ACAP2: variants seen among roughly 807,000 people sequenced by gnomAD.
ACAP2 encodes ArfGAP with coiled-coil, ankyrin repeat and PH domains 2.
In ACAP2, 39 loss-of-function variants were observed where a neutral mutation model predicts 115.8. That is an observed-to-expected ratio of 0.34 (90% confidence interval 0.26 to 0.44). The LOEUF (loss-of-function observed/expected upper bound fraction) is 0.44. ACAP2 is among the 20% of genes least tolerant of loss of function. ACAP2 has a pLI of 1.00. For synonymous variants in ACAP2, 289 were observed against 315.8 expected, an observed-to-expected ratio of 0.92 and a Z score of 0.90; for missense variants, 662 against 927.6, an observed-to-expected ratio of 0.71 and a Z score of 3.72.
Position 195,341,728 on chromosome 3 carries a change from A to T in ACAP2, c.528+743T>A, listed in dbSNP as rs1287018169. 3.3e-5 allele frequency among the ~76,000 whole-genome samples: 5 copies of T among 152,294 alleles called. No homozygotes were observed. In the East Asian group the frequency reaches 9.6e-4, roughly 29 times the overall value. Reference sequence around the variant, plus strand: ...ATGGTGAACCTTAGTACCTCTAAGAATCTAATCTAAAGAAATAAGAAGTGT... The same window carrying T: ...ATGGTGAACCTTAGTACCTCTAAGATTCTAATCTAAAGAAATAAGAAGTGT... On this transcript the variant is annotated intron_variant, in intron 6 of 22. Coordinates refer to ENST00000326793, the MANE Select transcript of ACAP2 (RefSeq NM_012287.6).
At chr3:195,397,394 C>T (rs570430215) in intron 1 of ACAP2, among the ~76,000 whole-genome samples, 3 of 152,174 alleles carry the variant, frequency 2.0e-5, no homozygotes, top group Non-Finnish European at 2.9e-5. Flanking sequence ...AAAAGAGTGA[C>T]GAAAAGGTCC....
chr3:195,359,721 C>T (rs1301386963), intron 4 of ACAP2, among the ~76,000 whole-genome samples: 2 of 152,192 alleles, frequency 1.3e-5, no homozygotes, highest in East Asian at 3.9e-4. Flanking sequence ...CCCGCCCCAG[C>T]CTCCCAAAGT....
intron 9 of ACAP2, chr3:195,325,373 A>T: frequency 2.4e-6 from 1 of 420,460 alleles, no homozygotes; most frequent in African/African-American, 2.1e-5. Flanking sequence ...AAATCTACAT[A>T]ACTACAGGAG....
intron 4 of ACAP2, among the ~76,000 whole-genome samples, chr3:195,353,066 T>G: frequency 7.0e-6 from 1 of 142,148 alleles, no homozygotes. Flanking sequence ...GATGACAGAG[T>G]GAGACTCTGT....
chr3:195,414,274 A>G (rs1713533094), intron 1 of ACAP2, among the ~76,000 whole-genome samples: 1 of 152,172 alleles, frequency 6.6e-6, no homozygotes, highest in African/African-American at 2.4e-5. Flanking sequence ...AAAGAAATAC[A>G]TACTTTTTAT....
intron 22 of ACAP2, chr3:195,282,669 C>A (rs146639005): frequency 6.6e-6 from 1 of 152,172 alleles, no homozygotes; most frequent in African/African-American, 2.4e-5. Context: ...GGAATGTTCC[C>A]AGAAATACAT....
intron 17 of ACAP2, chr3:195,295,483 G>GT (rs1344058260): frequency 1.6e-6 from 1 of 610,204 alleles, no homozygotes; most frequent in African/African-American, 1.9e-5. Context: ...ATTTTAAGCA[G>GT]TTTTATTCCT....
At chr3:195,312,636 T>C (rs894823527) in intron 10 of ACAP2, among the ~76,000 whole-genome samples, 3 of 151,948 alleles carry the variant, frequency 2.0e-5, no homozygotes, top group Admixed American at 6.6e-5. Context: ...CCAGCCTTTA[T>C]TTCTCTTTTC....
At chr3:195,357,966 G>A (rs1227720303) in intron 4 of ACAP2, among the ~76,000 whole-genome samples, 1 of 152,146 alleles carries the variant, frequency 6.6e-6, no homozygotes, top group Admixed American at 6.5e-5. Context: ...CTCATGTAAT[G>A]CAATCACTAT....
chr3:195,384,473 T>C (rs924171464), intron 2 of ACAP2, among the ~76,000 whole-genome samples: 11 of 152,158 alleles, frequency 7.2e-5, no homozygotes, highest in African/African-American at 2.4e-4. Context: ...ACGCCTGTAA[T>C]CCCAAAACTT....
chr3:195,347,644 G>T (rs1450882420), intron 4 of ACAP2, among the ~76,000 whole-genome samples: 2 of 152,146 alleles, frequency 1.3e-5, no homozygotes, highest in Admixed American at 6.6e-5. Context: ...AAGTGGATGG[G>T]CTTGCCAAAA....
chr3:195,426,510 A>G lies in ACAP2; in HGVS notation c.53+16285T>C, dbSNP rs186885847. ...ACCTAAGAGTGTTATCAAATTATCA[A>G]TAATCTAGAGAAGCAGGGTATCAAC... On this transcript the variant is annotated intron_variant, in intron 1 of 22. Transcript: ENST00000326793. Among the ~76,000 whole-genome samples, 463 of 152,328 alleles carry G rather than the reference A, an allele frequency of 3.0e-3. 3 individuals carry two copies. Among genetic ancestry groups the G allele is most frequent in the Admixed American group, 7.6e-3 (116 of 15,294 alleles).
chr3:195,363,618 C>CACAT (rs1253589614), intron 4 of ACAP2, among the ~76,000 whole-genome samples: 1 of 133,516 alleles, frequency 7.5e-6, no homozygotes, highest in Non-Finnish European at 1.6e-5. Context: ...TATATGAAAC[C>CACAT]ACATACACAC....
chr3:195,337,063 T>G (rs1206697207), intron 6 of ACAP2, 87 bp from the exon 7 acceptor site: 1 of 1,228,698 alleles, frequency 8.1e-7, no homozygotes, highest in Non-Finnish European at 1.1e-6. Flanking sequence ...TTTTAATGGT[T>G]TAATACTTTT....
At chr3:195,415,503 T>G (rs1490331206) in intron 1 of ACAP2, among the ~76,000 whole-genome samples, 1 of 151,952 alleles carries the variant, frequency 6.6e-6, no homozygotes, top group Non-Finnish European at 1.5e-5. Flanking sequence ...TCTCGATCTC[T>G]TGACCTCGTG....
At chr3:195,441,142 A>C (rs1715962950) in intron 1 of ACAP2, among the ~76,000 whole-genome samples, 3 of 152,110 alleles carry the variant, frequency 2.0e-5, no homozygotes, top group Admixed American at 6.5e-5. Flanking sequence ...AAAAAAAAAA[A>C]AAATTAATGT....
At chr3:195,400,423 T>C (rs971216717) in intron 1 of ACAP2, among the ~76,000 whole-genome samples, 1 of 151,654 alleles carries the variant, frequency 6.6e-6, no homozygotes, top group Non-Finnish European at 1.5e-5. Flanking sequence ...TAGTGGCAAA[T>C]AATCATTATT....
chr3:195,412,090 C>G (rs1293538350), intron 1 of ACAP2, among the ~76,000 whole-genome samples: 1 of 131,564 alleles, frequency 7.6e-6, no homozygotes. Context: ...TTTAGGAAGC[C>G]AAGAAAGGAG....
intron 1 of ACAP2, among the ~76,000 whole-genome samples, chr3:195,397,450 C>CA (rs901619566): frequency 2.6e-5 from 4 of 152,142 alleles, no homozygotes; most frequent in African/African-American, 9.7e-5. Flanking sequence ...GAAAACAACA[C>CA]AGCACACACT....
Sources: allele counts gnomAD v4.1 joint callset (sites outside exome capture counted in the v4.1 genomes callset), GRCh38; gene constraint gnomAD v4.1.1; transcripts MANE v1.5; gene names NCBI Gene and HGNC (gene_info 2026-07-23, HGNC 2026-07-21).